PRDM15: variants seen among roughly 807,000 people sequenced by gnomAD.
The protein encoded by PRDM15 is PR domain zinc finger protein 15.
In PRDM15, 64 loss-of-function variants were observed where a neutral mutation model predicts 128.6. That is an observed-to-expected ratio of 0.50 (90% CI 0.41 to 0.61). The LOEUF is 0.61. Among genes scored for constraint, PRDM15 ranks in the 20% least tolerant of loss-of-function variants. The pLI, the probability that PRDM15 is intolerant of heterozygous loss-of-function variation, is 0.00. For synonymous variants in PRDM15, 615 were observed against 621.8 expected, an observed-to-expected ratio of 0.99 and a Z score of 0.16; for missense variants, 1,242 against 1,569.1, an observed-to-expected ratio of 0.79 and a Z score of 3.52.
rs1227959352 is a variant in PRDM15 at position 41,835,319 on chromosome 21, T to C, written c.1366+118A>G. The C allele has an allele frequency of 6.1e-6, 5 of 814,084 alleles. No individual in the cohort carries two copies. In the Admixed American group the frequency reaches 9.4e-5, roughly 15 times the overall value. The allele number at this position is 814,084 out of a possible 1,614,324, so 50.4% of individuals were successfully genotyped here. A position where few individuals can be genotyped will look rare whatever the true frequency, so the allele number is the denominator to read the frequency against. On this transcript the variant is annotated intron_variant, in intron 11 of 23. Transcript: ENST00000398548. ...AATGGACAGAGGGAAATGTTAAAAG[T>C]GAGGCTGTCTATTCATGAAAACAAT...
intron 11 of PRDM15, among the ~76,000 whole-genome samples, chr21:41,829,302 A>G (rs968183615): frequency 0.032 from 4,897 of 151,322 alleles, 271 homozygotes; most frequent in African/African-American, 0.11. Context: ...ACAATCACAT[A>G]CCACACAAAT....
At chr21:41,835,613 G>A (rs1228702594) in intron 10 of PRDM15, 89 bp from the exon 11 acceptor site, 10 of 1,022,378 alleles carry the variant, frequency 9.8e-6, no homozygotes, top group African/African-American at 1.6e-5. Flanking sequence ...GCGACTCCAC[G>A]CCTGTGTCTG....
At position 41,810,881 on chromosome 21, in the gene PRDM15, G is replaced by T. The variant is rs1378338445; in HGVS notation, c.2393-45C>A. 7 of 1,563,504 alleles carry T rather than the reference G, an allele frequency of 4.5e-6. No individual in the cohort carries two copies. Among genetic ancestry groups the T allele is most frequent in the South Asian group, 2.2e-5 (2 of 90,070 alleles). Reference sequence around the variant, plus strand: ...TAACTTCCTACGTTTAATGAGTGTTGTAAGTCCACATCAGGGCATGTCTTC... The same window carrying T: ...TAACTTCCTACGTTTAATGAGTGTTTTAAGTCCACATCAGGGCATGTCTTC... On this transcript the variant is annotated intron_variant, in intron 19 of 23. Transcript: ENST00000398548. The surrounding 1 kb of genome is among the most constrained non-coding windows in gnomAD (Gnocchi z 6.4).
At chr21:41,866,848 G>A (rs2064026113) in intron 1 of PRDM15, among the ~76,000 whole-genome samples, 1 of 152,200 alleles carries the variant, frequency 6.6e-6, no homozygotes, top group Non-Finnish European at 1.5e-5. Context: ...AGGGCTGGTA[G>A]AGCCCAGATC....
Position 41,836,642 on chromosome 21 carries a change from G to T in PRDM15, c.1009C>A (p.His337Asn). The T allele has an allele frequency of 6.3e-7, 1 of 1,597,364 alleles. No homozygotes were observed. Among genetic ancestry groups the T allele is most frequent in the South Asian group, 1.1e-5 (1 of 90,486 alleles). The change falls in exon 9 of 24, where the codon CAT becomes AAT. Residue 337 changes from histidine to asparagine, a missense_variant. Physicochemically the swap from His to Asn is moderately conservative, Grantham distance 68. Around this residue, in one of 3 missense-constraint regions of PRDM15, gnomAD observed 612 missense variants for 717.0 expected, o/e 0.85. Coordinates refer to ENST00000398548, the MANE Select transcript of PRDM15 (RefSeq NM_001040424.3). ...AGCGTGATGGTGTTATTCTGATGAT[G>T]GGTGAACCTGCCCAGGGACGTCAAT... Reference protein sequence around the residue: ...TDTSSVPKFTHHQNNTITLKR... With the variant: ...TDTSSVPKFTNHQNNTITLKR...
chr21:41,857,031 G>C (rs901504738), intron 4 of PRDM15, 145 bp downstream of exon 4: 1 of 708,474 alleles, frequency 1.4e-6, no homozygotes, highest in African/African-American at 1.8e-5. Flanking sequence ...CATTTTCTTG[G>C]AAATTAAGCA....
Position 41,831,451 on chromosome 21 carries a change from G to A in PRDM15, c.1367-3118C>T, listed in dbSNP as rs531324162. Among the ~76,000 whole-genome samples the A allele has an allele frequency of 9.2e-5, 14 of 152,326 alleles. No homozygotes were observed. In the East Asian group the frequency reaches 1.5e-3, roughly 17 times the overall value. On this transcript the variant is annotated intron_variant, in intron 11 of 23. Transcript: ENST00000398548. ...CAAACGCCCTCCACTCTCCACCCCCGCCAGGTAGAGATTCACTGGCCAGGG... is the reference window on the plus strand; with the variant it reads ...CAAACGCCCTCCACTCTCCACCCCCACCAGGTAGAGATTCACTGGCCAGGG...
rs372202040 is a variant in PRDM15, at chr21:41,878,809, A to G, written c.-10+461T>C. ...GACATCCCCTGGGGCCTCGGCGACG[A>G]CGCCGCCCGGCGGCGGGGGCCGCGG... On this transcript the variant is annotated intron_variant, in intron 1 of 23. Transcript: ENST00000398548. 119 of 1,207,622 alleles carry G rather than the reference A, an allele frequency of 9.9e-5. No individual in the cohort carries two copies. The highest frequency in any genetic ancestry group is 1.2e-4 in the Non-Finnish European group (118 of 966,620). 74.8% of individuals were successfully genotyped at this position (1,207,622 alleles called of 1,614,324 possible).
Position 41,801,737 on chromosome 21 carries a change from C to T in PRDM15, c.2944-15G>A. 1 of 1,603,232 alleles carries T rather than the reference C, an allele frequency of 6.2e-7. No individual in the cohort carries two copies. Among genetic ancestry groups the T allele is most frequent in the Non-Finnish European group, 8.5e-7 (1 of 1,171,972 alleles). On this transcript the variant is annotated splice_polypyrimidine_tract_variant and intron_variant, in intron 23 of 23. Coordinates refer to ENST00000398548, the MANE Select transcript of PRDM15 (RefSeq NM_001040424.3). ...GTCACCACTACCTGGAAGATTCACA[C>T]ACAACAAAAATCCGTTCATTTTTGC...
intron 4 of PRDM15, among the ~76,000 whole-genome samples, chr21:41,855,907 T>TTTCC (rs2063569875): frequency 3.2e-5 from 1 of 31,672 alleles, no homozygotes; most frequent in African/African-American, 1.4e-4. Flanking sequence ...CCTTCCTTCC[T>TTTCC]TTCCTTCCCT....
chr21:41,850,219 C>T (rs2146746097), intron 5 of PRDM15, among the ~76,000 whole-genome samples: 1 of 152,060 alleles, frequency 6.6e-6, no homozygotes, highest in South Asian at 2.1e-4. Flanking sequence ...CAGAGCGAGA[C>T]TAAAAGGGAA....
At chr21:41,833,357 C>T (rs112370841) in intron 11 of PRDM15, among the ~76,000 whole-genome samples, 1 of 152,106 alleles carries the variant, frequency 6.6e-6, no homozygotes, top group Non-Finnish European at 1.5e-5. Flanking sequence ...TATGAGTCCT[C>T]GAGAGAGGGT....
intron 12 of PRDM15, among the ~76,000 whole-genome samples, chr21:41,826,956 G>A (rs554812897): frequency 9.3e-4 from 142 of 152,300 alleles, no homozygotes; most frequent in Admixed American, 1.5e-3. Flanking sequence ...ACTTCTGGCA[G>A]CATCCACAGT....
chr21:41,824,981 A>G (rs28640121), intron 13 of PRDM15, among the ~76,000 whole-genome samples: 94,821 of 152,108 alleles, frequency 0.62, 29,759 homozygotes, highest in Admixed American at 0.68. Context: ...GATGAGCGTC[A>G]CTCCGGGGCT....
In PRDM15 at chr21:41,875,198, T is replaced by A. The variant is rs540559001; in HGVS notation, c.-10+4072A>T. Among the ~76,000 whole-genome samples the A allele has an allele frequency of 2.6e-5, 4 of 152,352 alleles. No individual in the cohort carries two copies. The East Asian group carries it at 7.7e-4, about 29-fold the overall frequency. On this transcript the variant is annotated intron_variant, in intron 1 of 23. Coordinates refer to ENST00000398548, the MANE Select transcript of PRDM15 (RefSeq NM_001040424.3). ...CTCCCTCCTAAGCCCCTTTGCTGTC[T>A]GCACCTCCCCTCCAGAGCCTCCACA...
chr21:41,859,028 C>T lies in PRDM15; in HGVS notation c.131+564G>A, dbSNP rs117860551. 73,307 of 1,550,904 alleles carry T rather than the reference C, an allele frequency of 0.047. 1,999 individuals carry two copies. The highest frequency in any genetic ancestry group is 0.083 in the Middle Eastern group (397 of 4,784). ...CGGAGAGGAGTGCCTTGTCCAAGCT[C>T]ACCTGCCCTGGGCCACCAGGTGGCA... On this transcript the variant is annotated intron_variant, in intron 3 of 23. Transcript: ENST00000398548. The surrounding 1 kb of genome is among the most constrained non-coding windows in gnomAD (Gnocchi z 5.3).
chr21:41,866,313 A>G (rs1287824066), intron 1 of PRDM15, among the ~76,000 whole-genome samples: 2 of 152,260 alleles, frequency 1.3e-5, no homozygotes. Flanking sequence ...GTTCCATATA[A>G]AAAGGGATTT....
chr21:41,798,994 GAAGT>G lies in PRDM15; in HGVS notation c.*2242_*2245del, dbSNP rs978401584. On this transcript the variant is annotated 3_prime_UTR_variant, in exon 24 of 24. Transcript: ENST00000398548. ...TCTTTAGAGTTCTCACTTATAACAAGAAGTAAGAGGTGTCTGTGTATTGAGATAA... is the reference window on the plus strand; with the variant it reads ...TCTTTAGAGTTCTCACTTATAACAAGAAGAGGTGTCTGTGTATTGAGATAA... 4 of 152,168 alleles carry G rather than the reference GAAGT, an allele frequency of 2.6e-5. No individual in the cohort carries two copies. The highest frequency in any genetic ancestry group is 9.7e-5 in the African/African-American group (4 of 41,416). 9.4% of individuals were successfully genotyped at this position (152,168 alleles called of 1,614,324 possible). A position where few individuals can be genotyped will look rare whatever the true frequency, so the allele number is the denominator to read the frequency against.
chr21:41,815,873 C>T (rs779613562), intron 18 of PRDM15, 37 bp from the exon 19 acceptor site: 7 of 1,606,522 alleles, frequency 4.4e-6, no homozygotes, highest in South Asian at 1.1e-5. Flanking sequence ...GGCCACACCC[C>T]CACGCAGCCC....
Sources: gnomAD v4.1 joint callset for allele counts (sites outside exome capture counted in the v4.1 genomes callset) on GRCh38, gnomAD v4.1.1 for gene constraint, gnomAD v4.1.1 regional missense constraint, Gnocchi (gnomAD v3.1) non-coding constraint, MANE v1.5 for transcripts, NCBI Gene and HGNC (gene_info 2026-07-23, HGNC 2026-07-21) for gene names.